Variants in SCAND3 observed in about 807,000 individuals in gnomAD.
SCAND3 encodes SCAN domain containing 3, also known as SCAN domain-containing protein 3.
chr6:28,595,397 C>A, the SCAND3 span, among the ~76,000 whole-genome samples: 1 of 143,268 alleles, frequency 7.0e-6, no homozygotes, highest in Admixed American at 7.0e-5. Context: ...AAGAAGAAAG[C>A]AGCTTTCCTG....
the SCAND3 span, chr6:28,575,746 T>C: frequency 1.4e-5 from 23 of 1,614,010 alleles, no homozygotes; most frequent in Non-Finnish European, 1.9e-5. The surrounding 1 kb of genome is among the most constrained non-coding windows in gnomAD (Gnocchi z 4.2). Flanking sequence ...ACGTCCACCA[T>C]GTCCAATGCT....
chr6:28,606,500 A>G, the SCAND3 span, among the ~76,000 whole-genome samples: 1 of 152,098 alleles, frequency 6.6e-6, no homozygotes, highest in African/African-American at 2.4e-5. Flanking sequence ...TACCTAATTC[A>G]TCTTTTTTTC....
At chr6:28,599,069 A>T in the SCAND3 span, among the ~76,000 whole-genome samples, 13 of 152,228 alleles carry the variant, frequency 8.5e-5, 1 homozygote, top group East Asian at 1.2e-3. Flanking sequence ...GAGAAAACAA[A>T]AAAGAAAAAG....
the SCAND3 span, among the ~76,000 whole-genome samples, chr6:28,577,475 A>T: frequency 6.6e-6 from 1 of 152,210 alleles, no homozygotes; most frequent in African/African-American, 2.4e-5. Context: ...CTTCAAGGGA[A>T]ATTCCAGGCA....
At chr6:28,596,038 G>A in the SCAND3 span, among the ~76,000 whole-genome samples, 1 of 152,148 alleles carries the variant, frequency 6.6e-6, no homozygotes, top group African/African-American at 2.4e-5. Context: ...CTTTTGGAGG[G>A]CCATTTGGCA....
the SCAND3 span, chr6:28,570,556 T>C: frequency 6.6e-6 from 1 of 152,218 alleles, no homozygotes; most frequent in Non-Finnish European, 1.5e-5. Flanking sequence ...GTTTCAGGAC[T>C]AAATATGAAC....
chr6:28,596,131 T>A, the SCAND3 span, among the ~76,000 whole-genome samples: 3 of 152,238 alleles, frequency 2.0e-5, no homozygotes, highest in African/African-American at 7.2e-5. Context: ...ATTACAGATA[T>A]ACACATTCAA....
chr6:28,582,489 A>G, the SCAND3 span, among the ~76,000 whole-genome samples: 1 of 152,228 alleles, frequency 6.6e-6, no homozygotes, highest in African/African-American at 2.4e-5. The surrounding 1 kb of genome is among the most constrained non-coding windows in gnomAD (Gnocchi z 4.8). Flanking sequence ...TTGTGCTGCA[A>G]CATAACATAT....
chr6:28,585,019 C>T, the SCAND3 span, among the ~76,000 whole-genome samples: 1 of 152,218 alleles, frequency 6.6e-6, no homozygotes, highest in Non-Finnish European at 1.5e-5. Flanking sequence ...TTAACAAATG[C>T]TCCATTTCCT....
chr6:28,586,825 T>C, the SCAND3 span: 1 of 897,376 alleles, frequency 1.1e-6, no homozygotes, highest in African/African-American at 1.7e-5. This position sits in a 1 kb window ranked among gnomAD's most constrained non-coding sequence, Gnocchi z 4.4. Context: ...GTTTTTGATA[T>C]AAGAAAACAC....
the SCAND3 span, chr6:28,593,700 T>A: frequency 6.6e-6 from 1 of 152,202 alleles, no homozygotes. Context: ...CTTCTTTTTT[T>A]GGCTTTGTTT....
chr6:28,614,206 C>G, the SCAND3 span, among the ~76,000 whole-genome samples: 1 of 152,140 alleles, frequency 6.6e-6, no homozygotes, highest in South Asian at 2.1e-4. Context: ...TCAGGTGATC[C>G]ACCCGCCTCG....
chr6:28,589,432 T>C, the SCAND3 span: 8 of 152,182 alleles, frequency 5.3e-5, no homozygotes, highest in Non-Finnish European at 8.8e-5. Context: ...CAATCCGAGT[T>C]CGAATCTCGG....
the SCAND3 span, chr6:28,589,856 GT>G: frequency 0.27 from 31,745 of 116,336 alleles, 4,543 homozygotes; most frequent in African/African-American, 0.45. Context: ...TTTTTTGTTT[GT>G]TTTTTTTTTT....
chr6:28,586,772 G>A, the SCAND3 span: 2 of 1,487,510 alleles, frequency 1.3e-6, no homozygotes, highest in Non-Finnish European at 1.8e-6. The surrounding 1 kb of genome is among the most constrained non-coding windows in gnomAD (Gnocchi z 4.4). Flanking sequence ...CTAGGCAAAT[G>A]GGTGATTTTA....
the SCAND3 span, among the ~76,000 whole-genome samples, chr6:28,585,684 G>A: frequency 2.0e-5 from 3 of 152,094 alleles, no homozygotes; most frequent in Non-Finnish European, 4.4e-5. Flanking sequence ...TGTATGAATA[G>A]TATCACTAAA....
chr6:28,572,824 A>G, the SCAND3 span: 1 of 1,613,214 alleles, frequency 6.2e-7, no homozygotes, highest in Non-Finnish European at 8.5e-7. This position sits in a 1 kb window ranked among gnomAD's most constrained non-coding sequence, Gnocchi z 4.1. Context: ...AATTTTTACT[A>G]TATCATTAAG....
the SCAND3 span, among the ~76,000 whole-genome samples, chr6:28,585,491 G>C: frequency 6.6e-6 from 1 of 152,098 alleles, no homozygotes; most frequent in African/African-American, 2.4e-5. Flanking sequence ...CTCCCACCTG[G>C]TGGCCCCAAA....
At chr6:28,607,603 T>C in the SCAND3 span, among the ~76,000 whole-genome samples, 5 of 152,206 alleles carry the variant, frequency 3.3e-5, no homozygotes, top group South Asian at 6.2e-4. Flanking sequence ...AAACATATCT[T>C]ATTGATGTCT....
Sources: allele counts gnomAD v4.1 joint callset (sites outside exome capture counted in the v4.1 genomes callset), GRCh38; gene constraint gnomAD v4.1.1; non-coding constraint Gnocchi (gnomAD v3.1); transcripts MANE v1.5; gene names NCBI Gene and HGNC (gene_info 2026-07-23, HGNC 2026-07-21).